Variants in FAM135B observed in about 807,000 individuals in gnomAD.
FAM135B encodes the protein family with sequence similarity 135 member B.
In FAM135B, 43 loss-of-function variants were observed where a neutral mutation model predicts 127.7. The observed-to-expected ratio is 0.34, with a 90% CI of 0.26 to 0.43. The LOEUF is 0.43. FAM135B is among the 20% of genes least tolerant of loss of function. The pLI is 1.00. For missense variants in FAM135B, 1,558 were observed against 1,725.6 expected (o/e 0.90, Z 1.72); for synonymous variants, 670 against 665.1 (o/e 1.01, Z -0.11).
chr8:138,289,076 A>G (rs1436982517), intron 3 of FAM135B, among the ~76,000 whole-genome samples: 1 of 151,938 alleles, frequency 6.6e-6, no homozygotes, highest in African/African-American at 2.4e-5. Flanking sequence ...CTCATTACCC[A>G]CTGTTAGCCC....
At chr8:138,478,227 C>A (rs1480048716) in intron 1 of FAM135B, among the ~76,000 whole-genome samples, 1 of 152,112 alleles carries the variant, frequency 6.6e-6, no homozygotes, top group Non-Finnish European at 1.5e-5. Context: ...GTCACACATG[C>A]TCTCTGAGCC....
At chr8:138,373,280 C>T (rs1443288260) in intron 1 of FAM135B, among the ~76,000 whole-genome samples, 2 of 151,950 alleles carry the variant, frequency 1.3e-5, no homozygotes, top group African/African-American at 2.4e-5. Flanking sequence ...ATTAGTTCCC[C>T]AAATTAATAC....
chr8:138,389,937 C>T (rs1587324710), intron 1 of FAM135B, among the ~76,000 whole-genome samples: 1 of 152,140 alleles, frequency 6.6e-6, no homozygotes, highest in African/African-American at 2.4e-5. Flanking sequence ...GAAATAGCTG[C>T]CAGAATAAGG....
chr8:138,425,752 G>A (rs184187524), intron 1 of FAM135B, among the ~76,000 whole-genome samples: 44 of 150,728 alleles, frequency 2.9e-4, no homozygotes, highest in African/African-American at 1.1e-3. Flanking sequence ...CTGAACTTTG[G>A]TCAAACAATT....
intron 7 of FAM135B, among the ~76,000 whole-genome samples, chr8:138,208,476 T>C (rs1246932484): frequency 6.6e-6 from 1 of 152,250 alleles, no homozygotes; most frequent in African/African-American, 2.4e-5. Flanking sequence ...CTAAGTGTTG[T>C]TTTATCAGCA....
Position 138,250,844 on chromosome 8 carries a change from A to G in FAM135B, c.539T>C (p.Ile180Thr), listed in dbSNP as rs1261607364. The G allele has an allele frequency of 6.2e-7, 1 of 1,613,746 alleles. No individual in the cohort carries two copies. Among genetic ancestry groups the G allele is most frequent in the South Asian group, 1.1e-5 (1 of 91,066 alleles). ...GGGCTGCCTCTGAACTTCATACCTG[A>G]TCAATGGCTGCTGCAGAGCCACCAG... ...AALVALQQPL[I>T]SFTRPGRGSW... The change falls in exon 6 of 20, where the codon ATC (isoleucine) becomes ACC (threonine). Residue 180 changes from isoleucine (I) to threonine (T), a missense_variant. Ile to Thr is a moderately conservative substitution (Grantham distance 89, BLOSUM62 -1). This residue lies in a region of FAM135B where 199 missense variants were observed against 245.7 expected (regional missense o/e 0.81). Transcript: ENST00000395297.
intron 2 of FAM135B, among the ~76,000 whole-genome samples, chr8:138,362,145 T>G (rs1427421645): frequency 1.3e-5 from 2 of 152,148 alleles, no homozygotes; most frequent in Non-Finnish European, 2.9e-5. Context: ...CACCCTCTTT[T>G]AGCTATTTTT....
chr8:138,252,004 CCT>C (rs755991995), intron 5 of FAM135B, among the ~76,000 whole-genome samples: 5 of 152,188 alleles, frequency 3.3e-5, no homozygotes, highest in Admixed American at 6.5e-5. Flanking sequence ...AACCCTTGTT[CCT>C]TGTGCGCAAA....
chr8:138,137,113 G>T, intron 19 of FAM135B, 34 bp downstream of exon 19: 1 of 1,109,266 alleles, frequency 9.0e-7, no homozygotes, highest in Non-Finnish European at 1.4e-6. Flanking sequence ...TTTCAAATTA[G>T]AAAGTCCCTG....
chr8:138,203,263 C>A (rs1296330505), intron 7 of FAM135B, among the ~76,000 whole-genome samples: 1 of 152,092 alleles, frequency 6.6e-6, no homozygotes, highest in African/African-American at 2.4e-5. Flanking sequence ...GGATGGCTTC[C>A]CAAGCTGTCA....
chr8:138,418,903 T>C (rs1384218610), intron 1 of FAM135B, among the ~76,000 whole-genome samples: 1 of 116,844 alleles, frequency 8.6e-6, no homozygotes, highest in Admixed American at 8.2e-5. Context: ...AAAAAAAACA[T>C]ACTTAAGCAC....
At chr8:138,163,599 G>A (rs1480248917) in intron 12 of FAM135B, among the ~76,000 whole-genome samples, 1 of 152,064 alleles carries the variant, frequency 6.6e-6, no homozygotes, top group Non-Finnish European at 1.5e-5. Flanking sequence ...CTTTCACTTG[G>A]CTCTCATTCT....
At chr8:138,270,881 A>T (rs562137025) in intron 3 of FAM135B, among the ~76,000 whole-genome samples, 1 of 152,344 alleles carries the variant, frequency 6.6e-6, no homozygotes, top group Admixed American at 6.5e-5. Context: ...CTGGGAGCTC[A>T]GGGTGGAGGC....
chr8:138,411,174 G>A (rs200265907), intron 1 of FAM135B, among the ~76,000 whole-genome samples: 23 of 151,522 alleles, frequency 1.5e-4, no homozygotes, highest in South Asian at 1.0e-3. Context: ...AAGAGCCCAC[G>A]TCACCAAGTC....
intron 11 of FAM135B, among the ~76,000 whole-genome samples, chr8:138,168,274 T>C (rs1166057260): frequency 1.3e-5 from 2 of 152,226 alleles, no homozygotes; most frequent in African/African-American, 4.8e-5. Flanking sequence ...ATTGTAGGAT[T>C]AGCAGAAACT....
chr8:138,135,211 C>T (rs1358837211), intron 19 of FAM135B, among the ~76,000 whole-genome samples: 1 of 152,094 alleles, frequency 6.6e-6, no homozygotes, highest in Non-Finnish European at 1.5e-5. Flanking sequence ...GTTCTTAAGG[C>T]TTTACCAAGG....
At chr8:138,279,047 C>T (rs1824061449) in intron 3 of FAM135B, among the ~76,000 whole-genome samples, 1 of 152,158 alleles carries the variant, frequency 6.6e-6, no homozygotes. Context: ...CTCAGAAGTC[C>T]TATCACACTG....
At chr8:138,425,709 A>G (rs1270817193) in intron 1 of FAM135B, among the ~76,000 whole-genome samples, 1 of 151,970 alleles carries the variant, frequency 6.6e-6, no homozygotes, top group Non-Finnish European at 1.5e-5. Context: ...TCCTGGCTTC[A>G]ACTCTTACTC....
chr8:138,334,448 C>T (rs535401979), intron 2 of FAM135B, among the ~76,000 whole-genome samples: 1 of 152,076 alleles, frequency 6.6e-6, no homozygotes. Context: ...CACAGGAAAA[C>T]TTGTATCATG....
Sources: gnomAD v4.1 joint callset for allele counts (sites outside exome capture counted in the v4.1 genomes callset) on GRCh38, gnomAD v4.1.1 for gene constraint, gnomAD v4.1.1 regional missense constraint, MANE v1.5 for transcripts, NCBI Gene and HGNC (gene_info 2026-07-23, HGNC 2026-07-21) for gene names.